Variants in NCEH1 observed in about 807,000 individuals in gnomAD.
NCEH1 encodes the protein neutral cholesterol ester hydrolase 1, also known as 2-acetyl MAGE hydrolase.
NCEH1 carries 9 observed loss-of-function variants against 25.4 expected under a neutral mutation model. The observed-to-expected ratio is 0.35, with a 90% CI of 0.21 to 0.62. NCEH1 has a LOEUF of 0.62. NCEH1 is among the 20% of genes least tolerant of loss of function. NCEH1 has a pLI of 0.72. For missense variants in NCEH1, 412 were observed against 501.1 expected (o/e 0.82, Z 1.70); for synonymous variants, 200 against 199.8 (o/e 1.00, Z -0.01).
intron 1 of NCEH1, among the ~76,000 whole-genome samples, chr3:172,692,061 A>C (rs1713093655): frequency 6.6e-6 from 1 of 152,138 alleles, no homozygotes; most frequent in African/African-American, 2.4e-5. Context: ...ACCTTCTCTA[A>C]GCATAGATCC....
intron 1 of NCEH1, among the ~76,000 whole-genome samples, chr3:172,692,654 C>T (rs986150979): frequency 1.3e-5 from 2 of 152,078 alleles, no homozygotes; most frequent in African/African-American, 2.4e-5. Context: ...TGTGAGCCAC[C>T]GTGCCTGGCC....
chr3:172,670,978 C>A (rs1053974629), intron 1 of NCEH1, among the ~76,000 whole-genome samples: 4 of 152,120 alleles, frequency 2.6e-5, no homozygotes, highest in Admixed American at 6.5e-5. Context: ...GTCTTTTTCT[C>A]TCCATTTTAC....
intron 1 of NCEH1, among the ~76,000 whole-genome samples, chr3:172,687,363 C>T (rs775334925): frequency 6.6e-5 from 10 of 152,300 alleles, no homozygotes; most frequent in Middle Eastern, 6.8e-3. Flanking sequence ...GGCCTCCTAA[C>T]GTCTCTAGGC....
intron 1 of NCEH1, among the ~76,000 whole-genome samples, chr3:172,688,534 A>T (rs557196186): frequency 6.6e-6 from 1 of 152,232 alleles, no homozygotes; most frequent in South Asian, 2.1e-4. Context: ...AAAGAAATGG[A>T]AGGATTAATT....
chr3:172,671,512 C>T (rs113159888), intron 1 of NCEH1, among the ~76,000 whole-genome samples: 9 of 131,064 alleles, frequency 6.9e-5, no homozygotes, highest in African/African-American at 3.2e-4. Flanking sequence ...CACATACACA[C>T]ACACACACAC....
At chr3:172,693,617 T>A (rs958946332) in intron 1 of NCEH1, among the ~76,000 whole-genome samples, 1 of 152,238 alleles carries the variant, frequency 6.6e-6, no homozygotes, top group African/African-American at 2.4e-5. Flanking sequence ...ACCATGTTAA[T>A]GTTTTTAGAG....
intron 2 of NCEH1, among the ~76,000 whole-genome samples, chr3:172,647,128 T>C (rs566328964): frequency 1.2e-4 from 19 of 152,190 alleles, no homozygotes; most frequent in South Asian, 6.2e-4. Context: ...AAAAATCACA[T>C]AATGATAAAA....
intron 1 of NCEH1, among the ~76,000 whole-genome samples, chr3:172,684,023 A>G (rs551227175): frequency 1.5e-4 from 23 of 152,374 alleles, no homozygotes; most frequent in Non-Finnish European, 3.1e-4. Flanking sequence ...ATCATCCTTT[A>G]TAACTTCTAA....
At chr3:172,657,536 G>A (rs1027852451) in intron 1 of NCEH1, among the ~76,000 whole-genome samples, 10 of 152,054 alleles carry the variant, frequency 6.6e-5, no homozygotes, top group Non-Finnish European at 1.0e-4. Context: ...CCCCGCTCTC[G>A]TTGCTGCCTT....
At chr3:172,651,703 C>T (rs141804562) in intron 1 of NCEH1, among the ~76,000 whole-genome samples, 89 of 151,986 alleles carry the variant, frequency 5.9e-4, no homozygotes, top group African/African-American at 2.1e-3. Context: ...AGATTACAGG[C>T]ATGCACCACC....
chr3:172,694,774 TTTC>T (rs929904113), intron 1 of NCEH1, among the ~76,000 whole-genome samples: 2 of 152,182 alleles, frequency 1.3e-5, no homozygotes, highest in African/African-American at 4.8e-5. Flanking sequence ...CTTCCCATTT[TTTC>T]TTGTTTTCCC....
At chr3:172,703,758 G>C (rs1242513188) in intron 1 of NCEH1, among the ~76,000 whole-genome samples, 1 of 151,972 alleles carries the variant, frequency 6.6e-6, no homozygotes, top group East Asian at 1.9e-4. Flanking sequence ...AAATAAAAAG[G>C]AAACTATAAA....
At chr3:172,637,608 G>A (rs544034892) in intron 3 of NCEH1, among the ~76,000 whole-genome samples, 20 of 152,044 alleles carry the variant, frequency 1.3e-4, no homozygotes, top group African/African-American at 4.6e-4. Flanking sequence ...CAAAAAAAGG[G>A]CCAGGTGCGG....
At chr3:172,645,717 A>T (rs751609711) in intron 2 of NCEH1, 25 bp from the exon 3 acceptor site, 15 of 1,456,116 alleles carry the variant, frequency 1.0e-5, no homozygotes, top group Middle Eastern at 1.7e-4. Context: ...GGGAACAATC[A>T]TTACAAAACA....
At chr3:172,701,308 G>C (rs1286824952) in intron 1 of NCEH1, among the ~76,000 whole-genome samples, 1 of 152,014 alleles carries the variant, frequency 6.6e-6, no homozygotes. Context: ...ATCTGTCCCA[G>C]GAGTCATCTT....
chr3:172,685,234 C>T (rs561380626), intron 1 of NCEH1, among the ~76,000 whole-genome samples: 1 of 152,080 alleles, frequency 6.6e-6, no homozygotes, highest in Non-Finnish European at 1.5e-5. Context: ...GCAGAGGCTG[C>T]GGTGAGGACA....
At chr3:172,701,495 G>A (rs1713680323) in intron 1 of NCEH1, among the ~76,000 whole-genome samples, 1 of 135,912 alleles carries the variant, frequency 7.4e-6, no homozygotes, top group African/African-American at 3.0e-5. Context: ...TATTGCCCAG[G>A]CTGGAGTGCA....
intron 1 of NCEH1, among the ~76,000 whole-genome samples, chr3:172,701,597 G>A (rs990813296): frequency 4.7e-5 from 7 of 148,172 alleles, no homozygotes; most frequent in African/African-American, 7.5e-5. Flanking sequence ...CTACAGACGC[G>A]TGCCACCATG....
chr3:172,644,015 C>G (rs1354828757), intron 3 of NCEH1, among the ~76,000 whole-genome samples: 2 of 152,192 alleles, frequency 1.3e-5, no homozygotes, highest in Non-Finnish European at 2.9e-5. Context: ...TGCTGAGAGT[C>G]CAGAAAGGTC....
Sources: allele counts gnomAD v4.1 joint callset (sites outside exome capture counted in the v4.1 genomes callset), GRCh38; gene constraint gnomAD v4.1.1; transcripts MANE v1.5; gene names NCBI Gene and HGNC (gene_info 2026-07-23, HGNC 2026-07-21).